Variants in TENM1 observed in about 807,000 individuals in gnomAD.
TENM1 encodes the protein teneurin-1.
A neutral mutation model predicts 174.8 loss-of-function variants in TENM1; 35 were observed. That is an observed-to-expected ratio of 0.20 (90% CI 0.15 to 0.27). The LOEUF is 0.27. Ranked by LOEUF, TENM1 falls within the 10% of genes least tolerant of loss-of-function variation. The pLI is 1.00. For synonymous variants in TENM1, 781 were observed against 798.7 expected (o/e 0.98, Z 0.37); for missense variants, 1,633 against 2,130.1 (o/e 0.77, Z 4.59).
chrX:124,547,640 AC>A (rs1431939769), intron 14 of TENM1, among the ~76,000 whole-genome samples: 3 of 111,916 alleles, frequency 2.7e-5, no homozygotes, highest in Non-Finnish European at 5.6e-5. Flanking sequence ...GTTGTCAATT[AC>A]CTAGGGAGCT....
At chrX:124,747,431 T>A (rs932459751) in intron 3 of TENM1, among the ~76,000 whole-genome samples, 4 of 108,150 alleles carry the variant, frequency 3.7e-5, no homozygotes, top group Non-Finnish European at 7.7e-5. Context: ...TAGATGGAAA[T>A]CCTAGAAATT....
intron 5 of TENM1, among the ~76,000 whole-genome samples, chrX:124,679,379 A>G: frequency 9.0e-6 from 1 of 111,725 alleles, no homozygotes; most frequent in Non-Finnish European, 1.9e-5. Flanking sequence ...TCCCTTCCTG[A>G]AATATATACG....
chrX:124,690,947 C>CACAA (rs59451434), intron 5 of TENM1, among the ~76,000 whole-genome samples: 24,777 of 109,887 alleles, frequency 0.23, 3,552 homozygotes, highest in African/African-American at 0.53. Context: ...TTTATAGCAA[C>CACAA]ACAGACTAAG....
At position 124,432,586 on chromosome X, in the gene TENM1, T is replaced by G. The variant is rs773699011; in HGVS notation, c.4105-9948A>C. On this transcript the variant is annotated intron_variant, in intron 23 of 31. Coordinates refer to ENST00000422452, the Ensembl canonical transcript of TENM1. ...ACCACAACTAGCTATTTTTTTATTT[T>G]TATTTGTATTTGTATTTTTAGTAGA... is the stretch of plus-strand genomic sequence containing the variant. Among the ~76,000 whole-genome samples, 6 of 111,308 alleles carry G rather than the reference T, an allele frequency of 5.4e-5. No individual in the cohort carries two copies. In the East Asian group the frequency reaches 1.7e-3, roughly 32 times the overall value.
the TENM1 span, among the ~76,000 whole-genome samples, chrX:125,155,707 C>T: frequency 8.9e-6 from 1 of 112,953 alleles, no homozygotes; most frequent in African/African-American, 3.2e-5. Context: ...CCCTCCGCAG[C>T]CACTGGCCCA....
intron 25 of TENM1, among the ~76,000 whole-genome samples, chrX:124,419,573 G>A (rs1475559268): frequency 1.8e-5 from 2 of 111,921 alleles, no homozygotes; most frequent in African/African-American, 6.5e-5. Context: ...TCTGTGTTAC[G>A]GCACCTCCTA....
the TENM1 span, among the ~76,000 whole-genome samples, chrX:125,068,715 G>A: frequency 3.6e-5 from 4 of 111,715 alleles, no homozygotes; most frequent in African/African-American, 1.3e-4. Flanking sequence ...ATGAAGAGAA[G>A]TCTAGGAAGA....
intron 3 of TENM1, among the ~76,000 whole-genome samples, chrX:124,832,965 A>C (rs1169398355): frequency 2.7e-5 from 3 of 112,081 alleles, no homozygotes; most frequent in Non-Finnish European, 5.6e-5. Flanking sequence ...TGTAAGAGGA[A>C]AACAAATGGT....
intron 2 of TENM1, 31 bp downstream of exon 5, chrX:124,895,950 T>C: frequency 8.3e-7 from 1 of 1,201,327 alleles, no homozygotes; most frequent in South Asian, 1.8e-5. Context: ...TCTTTCTGTG[T>C]TTTACTTAAA....
intron 23 of TENM1, among the ~76,000 whole-genome samples, chrX:124,436,055 A>T (rs2060833011): frequency 9.0e-6 from 1 of 111,716 alleles, no homozygotes; most frequent in Admixed American, 9.5e-5. Context: ...CCTCTGTGAC[A>T]AACAGTCCAC....
rs1603266386 is a variant in TENM1, at chrX:124,896,947, G to T, written c.218-706C>A. On this transcript the variant is annotated intron_variant, in intron 1 of 31. Transcript: ENST00000422452. Reference sequence around the variant, plus strand: ...TTGGATTTCCTCTCCTTTCCCCCTAGATCTTAGAGTTATAAAATTTTCAGA... The same window carrying T: ...TTGGATTTCCTCTCCTTTCCCCCTATATCTTAGAGTTATAAAATTTTCAGA... Among the ~76,000 whole-genome samples, 3 of 111,363 alleles carry T rather than the reference G, an allele frequency of 2.7e-5. No homozygotes were observed. In the South Asian group the frequency reaches 1.1e-3, roughly 42 times the overall value.
At chrX:124,573,047 T>C (rs1246071861) in intron 11 of TENM1, among the ~76,000 whole-genome samples, 2 of 111,409 alleles carry the variant, frequency 1.8e-5, no homozygotes, top group African/African-American at 6.5e-5. Flanking sequence ...TCCAAGAACA[T>C]TTTGAAGCAT....
intron 11 of TENM1, among the ~76,000 whole-genome samples, chrX:124,631,377 C>T (rs780187182): frequency 8.2e-5 from 9 of 110,044 alleles, no homozygotes; most frequent in South Asian, 7.8e-4. Flanking sequence ...AAGATAAATA[C>T]GGAGAAATTG....
At chrX:125,170,011 G>A in the TENM1 span, among the ~76,000 whole-genome samples, 1 of 111,495 alleles carries the variant, frequency 9.0e-6, no homozygotes, top group Non-Finnish European at 1.9e-5. Context: ...TGCTATTAAT[G>A]TTGGGGTAGT....
chrX:125,117,919 CAT>C, the TENM1 span, among the ~76,000 whole-genome samples: 2 of 110,332 alleles, frequency 1.8e-5, no homozygotes, highest in African/African-American at 3.3e-5. Context: ...CACCTGCACA[CAT>C]ATGTTTATTG....
chrX:124,977,551 A>C, the TENM1 span, among the ~76,000 whole-genome samples: 1 of 111,039 alleles, frequency 9.0e-6, no homozygotes, highest in Non-Finnish European at 1.9e-5. Flanking sequence ...TGAAACCGTT[A>C]CCACCATCCA....
At chrX:124,752,652 C>A (rs1356459313) in intron 3 of TENM1, among the ~76,000 whole-genome samples, 3 of 111,647 alleles carry the variant, frequency 2.7e-5, no homozygotes, top group Non-Finnish European at 5.6e-5. Flanking sequence ...TTTAATCCAC[C>A]TTGAATTAAT....
chrX:124,913,576 G>A (rs767264628), intron 1 of TENM1, among the ~76,000 whole-genome samples: 1 of 111,855 alleles, frequency 8.9e-6, no homozygotes, highest in East Asian at 2.8e-4. Context: ...TTCTCACATT[G>A]TGAATTTAGC....
At chrX:124,713,439 T>C (rs2053108738) in intron 4 of TENM1, among the ~76,000 whole-genome samples, 1 of 111,029 alleles carries the variant, frequency 9.0e-6, no homozygotes. Flanking sequence ...CGGCTAATTT[T>C]GTATTTTTGG....
Sources: gnomAD v4.1 joint callset for allele counts (sites outside exome capture counted in the v4.1 genomes callset) on GRCh38, gnomAD v4.1.1 for gene constraint, MANE v1.5 for transcripts, NCBI Gene and HGNC (gene_info 2026-07-23, HGNC 2026-07-21) for gene names.